Variants in EDC3 observed in about 807,000 individuals in gnomAD.
EDC3 encodes the protein enhancer of mRNA decapping 3.
A neutral mutation model predicts 41.8 loss-of-function variants in EDC3; 20 were observed. The observed-to-expected ratio is 0.48, with a 90% confidence interval of 0.34 to 0.70. The LOEUF is 0.70. EDC3 is among the 30% of genes least tolerant of loss of function. The pLI is 0.01. For missense variants in EDC3, 444 were observed against 636.8 expected (o/e 0.70, Z 3.26); for synonymous variants, 206 against 243.2 (o/e 0.85, Z 1.42).
chr15:74,651,001 AAAT>A (rs1470625927), intron 4 of EDC3, among the ~76,000 whole-genome samples: 2 of 152,106 alleles, frequency 1.3e-5, no homozygotes, highest in African/African-American at 2.4e-5. Flanking sequence ...CTGTCTCAAA[AAAT>A]AATAATAAAA....
intron 1 of EDC3, among the ~76,000 whole-genome samples, chr15:74,685,904 A>G (rs772968263): frequency 6.6e-6 from 1 of 152,248 alleles, no homozygotes; most frequent in African/African-American, 2.4e-5. Flanking sequence ...GTAAAAGAGT[A>G]TGTCCTGACT....
chr15:74,691,888 C>T lies in EDC3; in HGVS notation c.-19+3992G>A, dbSNP rs141109512. Among the ~76,000 whole-genome samples the T allele has an allele frequency of 2.0e-3, 310 of 152,214 alleles. 1 individual carries two copies. The highest frequency in any genetic ancestry group is 7.3e-3 in the African/African-American group (303 of 41,534). ...CTGGAGTGCAGTGGAGCGATCTCGG[C>T]TCACTGCAACCTCCACCTCCCGGGT... On this transcript the variant is annotated intron_variant, in intron 1 of 6. Transcript: ENST00000315127.
intron 2 of EDC3, among the ~76,000 whole-genome samples, chr15:74,672,044 G>A (rs979879390): frequency 1.3e-5 from 2 of 150,376 alleles, no homozygotes; most frequent in South Asian, 4.2e-4. Flanking sequence ...GGCGGATCAC[G>A]AGGTCAGGAG....
At chr15:74,642,697 C>T (rs1438922838) in intron 4 of EDC3, 1 of 152,232 alleles carries the variant, frequency 6.6e-6, no homozygotes, top group Non-Finnish European at 1.5e-5. Context: ...TGCTACTCCA[C>T]AAATCAAGCA....
At chr15:74,651,063 C>A (rs943703093) in intron 4 of EDC3, among the ~76,000 whole-genome samples, 3 of 152,146 alleles carry the variant, frequency 2.0e-5, no homozygotes. Context: ...AATAAAGATT[C>A]TTCTCTGAAG....
At chr15:74,667,478 A>AGGGAGG in intron 3 of EDC3, among the ~76,000 whole-genome samples, 2 of 75,832 alleles carry the variant, frequency 2.6e-5, no homozygotes, top group African/African-American at 5.4e-5. Context: ...AGGGAGGAGG[A>AGGGAGG]GGGAGGAGGA....
chr15:74,644,707 C>T (rs1163869170), intron 4 of EDC3: 1 of 151,934 alleles, frequency 6.6e-6, no homozygotes, highest in Admixed American at 6.6e-5. Context: ...TTCCCTTCCC[C>T]ACTTACAACT....
At chr15:74,670,010 ATTTTTTTTTTT>A (rs757043746) in intron 3 of EDC3, among the ~76,000 whole-genome samples, 2 of 116,362 alleles carry the variant, frequency 1.7e-5, no homozygotes, top group East Asian at 2.2e-4. Flanking sequence ...CGCCCAGCTA[ATTTTTTTTTTT>A]TTTTTTTTTT....
At chr15:74,643,380 G>A (rs1274622400) in intron 4 of EDC3, 5 of 152,230 alleles carry the variant, frequency 3.3e-5, no homozygotes, top group Non-Finnish European at 5.9e-5. Context: ...ACAAGAAAGG[G>A]AGAGATAATT....
At chr15:74,675,582 AGTT>A (rs1417988012) in intron 1 of EDC3, among the ~76,000 whole-genome samples, 2 of 149,546 alleles carry the variant, frequency 1.3e-5, no homozygotes, top group Non-Finnish European at 3.0e-5. Flanking sequence ...AATTCTGGAT[AGTT>A]GTTTTTTTTT....
intron 2 of EDC3, 118 bp downstream of exon 2, chr15:74,674,843 C>G: frequency 8.4e-7 from 1 of 1,187,904 alleles, no homozygotes; most frequent in Non-Finnish European, 1.2e-6. Flanking sequence ...AGTGAAACCC[C>G]ATCTCTACTA....
chr15:74,693,506 G>A (rs1231029504), intron 1 of EDC3, among the ~76,000 whole-genome samples: 2 of 152,114 alleles, frequency 1.3e-5, no homozygotes, highest in Non-Finnish European at 1.5e-5. Context: ...AAACCTTCTA[G>A]ATAAGGTCTC....
intron 1 of EDC3, among the ~76,000 whole-genome samples, chr15:74,685,735 A>AG (rs1459463056): frequency 6.6e-6 from 1 of 152,210 alleles, no homozygotes; most frequent in Non-Finnish European, 1.5e-5. Context: ...GAAAACAGCT[A>AG]GCAGATGATA....
intron 5 of EDC3, chr15:74,640,097 C>G (rs1229720957): frequency 9.8e-6 from 2 of 204,180 alleles, no homozygotes; most frequent in African/African-American, 4.7e-5. Flanking sequence ...TCTGGAAGCT[C>G]TCAGGTATGG....
rs149801017 is a variant in EDC3, at chr15:74,650,300, G to A, written c.820+5433C>T. 7.2e-4 allele frequency among the ~76,000 whole-genome samples: 110 copies of A among 152,306 alleles called. No homozygotes were observed. The East Asian group carries it at 0.02, about 28-fold the overall frequency. ...TGCTCTGGTCCAAAGCTATATTTTA[G>A]TTCCTTCTACTCCCCAGCACAAACT... On this transcript the variant is annotated intron_variant, in intron 4 of 6. Transcript: ENST00000315127.
At chr15:74,687,214 C>G (rs1396562842) in intron 1 of EDC3, 1 of 151,904 alleles carries the variant, frequency 6.6e-6, no homozygotes, top group Admixed American at 6.6e-5. Context: ...ACAGTATGCC[C>G]CATTAGAAAC....
chr15:74,675,099 A>G lies in EDC3; in HGVS notation c.26T>C (p.Ile9Thr), dbSNP rs200530064. 1.2e-5 allele frequency: 19 copies of G among 1,613,536 alleles called. No homozygotes were observed. The highest frequency in any genetic ancestry group is 5.0e-5 in the Admixed American group (3 of 59,994). MATDWLGS[I>T]VSINCGDSLG... ...GCTATCTCCACAATTGATGGACACA[A>G]TACTTCCCAGCCAATCTGTAGCCAT... Residue 9 changes from isoleucine to threonine, a missense_variant, in exon 2 of 7, where the codon ATT becomes ACT. Physicochemically the swap from Ile to Thr is moderately conservative, Grantham distance 89 (BLOSUM62 -1). This residue lies in a region of EDC3 where 200 missense variants were observed against 244.0 expected (regional missense o/e 0.82). Transcript: ENST00000315127.
chr15:74,633,285 C>A (rs2062235143), intron 6 of EDC3, among the ~76,000 whole-genome samples: 1 of 152,246 alleles, frequency 6.6e-6, no homozygotes, highest in Non-Finnish European at 1.5e-5. Context: ...GTATATCCAA[C>A]TAATGCCCTG....
rs1167913360 is a variant in EDC3 at position 74,671,736 on chromosome 15, G to A, written c.203C>T (p.Pro68Leu). 2.5e-6 allele frequency: 4 copies of A among 1,614,010 alleles called. No individual in the cohort carries two copies. Among genetic ancestry groups the A allele is most frequent in the Non-Finnish European group, 3.4e-6 (4 of 1,179,998 alleles). The change falls in exon 3 of 7, where the codon CCA (proline) becomes CTA (leucine). Residue 68 changes from proline to leucine, a missense_variant. Physicochemically the swap from Pro to Leu is moderately conservative, Grantham distance 98. Around this residue, in one of 3 missense-constraint regions of EDC3, gnomAD observed 200 missense variants for 244.0 expected, o/e 0.82. Coordinates refer to ENST00000315127, the MANE Select transcript of EDC3 (RefSeq NM_025083.5). This position sits in a 1 kb window ranked among gnomAD's most constrained non-coding sequence, Gnocchi z 4.6. ...DITELKILEI[P>L]GPGDNQHFGD... The stretch of plus-strand genomic sequence containing the variant: ...AAAATGTTGGTTGTCTCCAGGTCCT[G>A]GTATCTCCAGAATTTTTAACTCCGT...
Sources: allele counts gnomAD v4.1 joint callset (sites outside exome capture counted in the v4.1 genomes callset), GRCh38; gene constraint gnomAD v4.1.1; regional missense constraint gnomAD v4.1.1; non-coding constraint Gnocchi (gnomAD v3.1); transcripts MANE v1.5; gene names NCBI Gene and HGNC (gene_info 2026-07-23, HGNC 2026-07-21).